KCNQ5: variants seen among roughly 807,000 people sequenced by gnomAD.
The protein encoded by KCNQ5 is potassium voltage-gated channel subfamily Q member 5.
Under a neutral mutation model 98.2 loss-of-function variants are expected in KCNQ5, and 30 were observed. The ratio of observed to expected loss-of-function variants is 0.31; its 90% CI spans 0.23 to 0.41. The LOEUF is 0.41. Among genes scored for constraint, KCNQ5 ranks in the 10% least tolerant of loss-of-function variants. KCNQ5 has a pLI of 1.00. For missense variants in KCNQ5, 835 were observed against 1,182.5 expected (o/e 0.71, Z 4.31); for synonymous variants, 458 against 449.4 (o/e 1.02, Z -0.24).
intron 7 of KCNQ5, among the ~76,000 whole-genome samples, chr6:73,120,083 C>CA (rs66484208): frequency 0.82 from 113,322 of 137,974 alleles, 46,683 homozygotes; most frequent in South Asian, 0.93. Context: ...ACTAAAAGTA[C>CA]AAAAAAAAAA....
intron 5 of KCNQ5, among the ~76,000 whole-genome samples, chr6:73,094,919 A>G (rs1009011865): frequency 3.3e-5 from 5 of 152,152 alleles, no homozygotes; most frequent in African/African-American, 1.2e-4. Context: ...TCTTTTTGCA[A>G]TGAATTTCCC....
chr6:72,760,986 A>G (rs894898909), intron 1 of KCNQ5, among the ~76,000 whole-genome samples: 1 of 152,134 alleles, frequency 6.6e-6, no homozygotes, highest in Non-Finnish European at 1.5e-5. Context: ...CCATATATTT[A>G]TCTGTGATAA....
At chr6:72,740,868 C>G (rs115167980) in intron 1 of KCNQ5, among the ~76,000 whole-genome samples, 18 of 152,144 alleles carry the variant, frequency 1.2e-4, no homozygotes, top group Non-Finnish European at 2.5e-4. Flanking sequence ...TTTACCTGCC[C>G]TCTAATTACG....
chr6:73,143,891 A>G (rs1279238358), intron 10 of KCNQ5, among the ~76,000 whole-genome samples: 1 of 152,220 alleles, frequency 6.6e-6, no homozygotes, highest in African/African-American at 2.4e-5. Flanking sequence ...TTCGCACAAA[A>G]TAAGCACAAA....
chr6:72,938,780 A>C (rs1766077803), intron 1 of KCNQ5, among the ~76,000 whole-genome samples: 1 of 152,224 alleles, frequency 6.6e-6, no homozygotes. Flanking sequence ...ACCATCAAGA[A>C]GCTTATAGTC....
chr6:73,015,321 A>G (rs1463293027), intron 2 of KCNQ5, among the ~76,000 whole-genome samples: 1 of 152,138 alleles, frequency 6.6e-6, no homozygotes, highest in Non-Finnish European at 1.5e-5. Flanking sequence ...AACGACCCTC[A>G]TCAATCTGCC....
chr6:72,654,465 A>G (rs1373871871), intron 1 of KCNQ5, among the ~76,000 whole-genome samples: 2 of 152,088 alleles, frequency 1.3e-5, no homozygotes, highest in East Asian at 1.9e-4. Flanking sequence ...ATGGAAATAC[A>G]TAAATTTGTG....
At chr6:72,919,182 C>T (rs571374285) in intron 1 of KCNQ5, among the ~76,000 whole-genome samples, 1 of 152,188 alleles carries the variant, frequency 6.6e-6, no homozygotes, top group African/African-American at 2.4e-5. Context: ...AGGTGTTTGC[C>T]TCTGGTCCAG....
intron 1 of KCNQ5, among the ~76,000 whole-genome samples, chr6:72,785,494 C>T (rs1374915317): frequency 6.6e-6 from 1 of 151,796 alleles, no homozygotes; most frequent in Admixed American, 6.6e-5. Flanking sequence ...ACTAAAAATG[C>T]AAAAAATTAG....
At chr6:73,058,767 A>ACTT (rs1772642408) in intron 3 of KCNQ5, among the ~76,000 whole-genome samples, 1 of 152,220 alleles carries the variant, frequency 6.6e-6, no homozygotes, top group Non-Finnish European at 1.5e-5. Context: ...TTGAACAGAC[A>ACTT]CTTGTAAAAG....
chr6:72,731,979 C>A (rs1582186884), intron 1 of KCNQ5, among the ~76,000 whole-genome samples: 1 of 152,144 alleles, frequency 6.6e-6, no homozygotes, highest in African/African-American at 2.4e-5. Flanking sequence ...CTCAGAAAAA[C>A]CTGAGCTAGA....
chr6:73,045,595 A>G (rs1298434534), intron 3 of KCNQ5, among the ~76,000 whole-genome samples: 2 of 152,210 alleles, frequency 1.3e-5, no homozygotes, highest in Non-Finnish European at 2.9e-5. Context: ...AAAACACAAA[A>G]CACTCACCCA....
intron 1 of KCNQ5, chr6:72,987,152 G>GA: frequency 1.5e-6 from 1 of 662,370 alleles, no homozygotes; most frequent in South Asian, 1.6e-5. Context: ...CCCCCGAGAA[G>GA]AAAAAGATGA....
rs539187243 is a variant in KCNQ5 at position 72,800,458 on chromosome 6, G to C, written c.398+177871G>C. ...CTGATGGTAGTTTGTATTTCTGTGG[G>C]ATCGGTGGTGATATCCCCTTTATCA... is the stretch of plus-strand genomic sequence containing the variant. On this transcript the variant is annotated intron_variant, in intron 1 of 13. Coordinates refer to ENST00000370398, the MANE Select transcript of KCNQ5 (RefSeq NM_019842.4). Among the ~76,000 whole-genome samples the C allele has an allele frequency of 1.7e-3, 255 of 152,268 alleles. 2 individuals are homozygous for C. The highest frequency in any genetic ancestry group is 3.9e-3 in the Admixed American group (59 of 15,282).
At chr6:72,658,322 C>T (rs1456829664) in intron 1 of KCNQ5, among the ~76,000 whole-genome samples, 1 of 151,194 alleles carries the variant, frequency 6.6e-6, no homozygotes, top group African/African-American at 2.4e-5. Context: ...GCTCTGTCAC[C>T]CAGGCTGGAG....
At chr6:73,194,334 T>C (rs1441571950) in intron 13 of KCNQ5, 118 bp from the exon 14 acceptor site, 4 of 858,290 alleles carry the variant, frequency 4.7e-6, no homozygotes, top group African/African-American at 1.7e-5. Context: ...TCGTACTTTA[T>C]ATTCAATATT....
intron 1 of KCNQ5, among the ~76,000 whole-genome samples, chr6:72,711,715 G>A (rs1769377879): frequency 1.3e-5 from 2 of 152,282 alleles, no homozygotes; most frequent in South Asian, 4.1e-4. Flanking sequence ...CGCTAGATTT[G>A]GGAAGGTGAC....
intron 1 of KCNQ5, among the ~76,000 whole-genome samples, chr6:72,742,874 A>G (rs1041671646): frequency 1.3e-5 from 2 of 152,200 alleles, no homozygotes; most frequent in Non-Finnish European, 2.9e-5. Context: ...CCTATTCAAT[A>G]TCTTTCAGAC....
Position 72,996,842 on chromosome 6 carries a change from G to T in KCNQ5, c.399-7066G>T, listed in dbSNP as rs1406472731. On this transcript the variant is annotated intron_variant, in intron 1 of 13. Coordinates refer to ENST00000370398, the MANE Select transcript of KCNQ5 (RefSeq NM_019842.4). The stretch of plus-strand genomic sequence containing the variant: ...AGAACAGTGACAAGGAGAATGACAC[G>T]TCAGGACATAATTTCATATACAAAG... Among the ~76,000 whole-genome samples, 3 of 152,162 alleles carry T rather than the reference G, an allele frequency of 2.0e-5. No individual in the cohort carries two copies. In the South Asian group the frequency reaches 6.2e-4, roughly 31 times the overall value.
Sources: allele counts gnomAD v4.1 joint callset (sites outside exome capture counted in the v4.1 genomes callset), GRCh38; gene constraint gnomAD v4.1.1; transcripts MANE v1.5; gene names NCBI Gene and HGNC (gene_info 2026-07-23, HGNC 2026-07-21).